The following MAP4K5 variants were observed in gnomAD, a reference collection of about 807,000 sequenced individuals.
MAP4K5 encodes mitogen-activated protein kinase kinase kinase kinase 5.
Under a neutral mutation model 135.6 loss-of-function variants are expected in MAP4K5, and 82 were observed. That is an observed-to-expected ratio of 0.60 (90% CI 0.51 to 0.73). The LOEUF is 0.73. Ranked by LOEUF, MAP4K5 falls within the 30% of genes least tolerant of loss-of-function variation. The pLI, the probability that MAP4K5 is intolerant of heterozygous loss-of-function variation, is 0.00. For synonymous variants in MAP4K5, 347 were observed against 335.0 expected (o/e 1.04, Z -0.39); for missense variants, 907 against 1,010.9 (o/e 0.90, Z 1.39).
intron 2 of MAP4K5, among the ~76,000 whole-genome samples, chr14:50,521,447 C>T (rs1261555075): frequency 4.6e-5 from 7 of 152,108 alleles, no homozygotes; most frequent in African/African-American, 1.7e-4. Flanking sequence ...ATCAGAAGAT[C>T]TAGATTCAAG....
chr14:50,423,764 G>A (rs1170536497), intron 31 of MAP4K5, among the ~76,000 whole-genome samples: 2 of 152,068 alleles, frequency 1.3e-5, no homozygotes, highest in Non-Finnish European at 2.9e-5. Context: ...GCAAGACCCT[G>A]TATACTCTGT....
chr14:50,531,951 G>A lies in MAP4K5; in HGVS notation c.99C>T (p.Asp33=), dbSNP rs1183805356. ...VQRVGSGTYG[D]VYKARNVHTG... is the part of the protein sequence containing the mutation. ...GGCCAGCCTCACTTACCTTATAGAC[G>A]TCCCCGTAGGTGCCGCTGCCGACCC... Residue 33 remains aspartate, a synonymous_variant, in exon 2 of 33, where the codon GAC becomes GAT. Coordinates refer to ENST00000682126, the MANE Select transcript of MAP4K5 (RefSeq NM_006575.6). 5 of 1,597,556 alleles carry A rather than the reference G, an allele frequency of 3.1e-6. No homozygotes were observed. The highest frequency in any genetic ancestry group is 3.4e-6 in the Non-Finnish European group (4 of 1,171,756).
intron 3 of MAP4K5, among the ~76,000 whole-genome samples, chr14:50,499,000 T>C (rs2037651245): frequency 6.6e-6 from 1 of 152,212 alleles, no homozygotes; most frequent in African/African-American, 2.4e-5. Context: ...GGAAAATTCA[T>C]TAGCATACCA....
intron 3 of MAP4K5, among the ~76,000 whole-genome samples, chr14:50,491,667 AACATTAC>A (rs2037486600): frequency 6.6e-6 from 1 of 151,298 alleles, no homozygotes; most frequent in South Asian, 2.1e-4. Flanking sequence ...ACTATCCTCT[AACATTAC>A]ATACTGAACT....
chr14:50,484,063 G>A (rs1034448593), intron 5 of MAP4K5, among the ~76,000 whole-genome samples: 1 of 152,010 alleles, frequency 6.6e-6, no homozygotes, highest in South Asian at 2.1e-4. Context: ...GTTTTACCAT[G>A]TTGGCTAGGC....
chr14:50,453,148 AAACT>A (rs571628547), intron 14 of MAP4K5, among the ~76,000 whole-genome samples: 117 of 152,166 alleles, frequency 7.7e-4, no homozygotes, highest in Middle Eastern at 6.8e-3. Context: ...CTATACAATT[AAACT>A]AACTGTTAGG....
intron 14 of MAP4K5, among the ~76,000 whole-genome samples, chr14:50,452,632 C>G (rs2036515557): frequency 1.3e-5 from 2 of 152,162 alleles, no homozygotes; most frequent in South Asian, 4.1e-4. Flanking sequence ...GAAAACTGCC[C>G]TCTAAACTCA....
intron 1 of MAP4K5, among the ~76,000 whole-genome samples, chr14:50,551,004 C>T (rs2038695549): frequency 6.6e-6 from 1 of 151,126 alleles, no homozygotes; most frequent in Non-Finnish European, 1.5e-5. Context: ...AACCCAAACC[C>T]AGCAGAAAAA....
At chr14:50,491,660 A>G (rs762424214) in intron 3 of MAP4K5, among the ~76,000 whole-genome samples, 6 of 149,618 alleles carry the variant, frequency 4.0e-5, no homozygotes, top group Non-Finnish European at 5.9e-5. Flanking sequence ...ACCAAAAACT[A>G]TCCTCTAACA....
chr14:50,527,633 A>G (rs1435248863), intron 2 of MAP4K5, among the ~76,000 whole-genome samples: 2 of 152,120 alleles, frequency 1.3e-5, no homozygotes, highest in Non-Finnish European at 2.9e-5. Flanking sequence ...TCTACAACTA[A>G]TTTGTTCAAC....
chr14:50,476,873 A>G (rs550658695), intron 6 of MAP4K5, among the ~76,000 whole-genome samples: 118 of 152,336 alleles, frequency 7.7e-4, no homozygotes, highest in Admixed American at 4.8e-3. Context: ...GTGCTCCTTT[A>G]TAATTTTCCC....
In MAP4K5 at chr14:50,462,709, C is replaced by A; in HGVS notation, c.892G>T (p.Asp298Tyr). ...GCTTCAGTGTAATGTGCGTGGTTAT[C>A]TGGATTGTTCACTTTGTCTAACAGT... ...VELLDKVNNP[D>Y]NHAHYTEADD... is the part of the protein sequence containing the mutation. The change falls in exon 13 of 33, where the codon GAT becomes TAT. Residue 298 changes from aspartate (D) to tyrosine (Y), a missense_variant. Physicochemically the swap from Asp to Tyr is radical, Grantham distance 160. Coordinates refer to ENST00000682126, the MANE Select transcript of MAP4K5 (RefSeq NM_006575.6). 1 of 1,604,994 alleles carries A rather than the reference C, an allele frequency of 6.2e-7. No individual in the cohort carries two copies.
intron 2 of MAP4K5, among the ~76,000 whole-genome samples, chr14:50,513,429 A>G (rs1423003414): frequency 2.0e-5 from 3 of 152,230 alleles, no homozygotes; most frequent in Non-Finnish European, 4.4e-5. Flanking sequence ...ACTCTTCTAC[A>G]TACTGTAAAA....
chr14:50,451,115 G>C (rs2139754643), intron 14 of MAP4K5, among the ~76,000 whole-genome samples: 1 of 152,206 alleles, frequency 6.6e-6, no homozygotes, highest in Non-Finnish European at 1.5e-5. Flanking sequence ...TGTATATACA[G>C]GTATAGTACA....
chr14:50,457,197 A>C (rs1211752000), intron 13 of MAP4K5, among the ~76,000 whole-genome samples: 1 of 152,218 alleles, frequency 6.6e-6, no homozygotes, highest in African/African-American at 2.4e-5. Flanking sequence ...GGGTGAGCCC[A>C]ATCGACAAAG....
chr14:50,495,438 T>C (rs568309349), intron 3 of MAP4K5, among the ~76,000 whole-genome samples: 28 of 152,328 alleles, frequency 1.8e-4, no homozygotes, highest in African/African-American at 5.0e-4. Flanking sequence ...AGAGGTGATG[T>C]GGAGAAGCTA....
At chr14:50,435,758 T>C (rs192640582) in intron 26 of MAP4K5, among the ~76,000 whole-genome samples, 9 of 152,294 alleles carry the variant, frequency 5.9e-5, no homozygotes. Flanking sequence ...ATTCATCTTG[T>C]ATGTATTAAT....
Position 50,434,814 on chromosome 14 carries a change from A to T in MAP4K5, c.1986+148T>A, listed in dbSNP as rs28493128. On this transcript the variant is annotated intron_variant, in intron 27 of 32. Transcript: ENST00000682126. ...TATCAGTTAAAGAGTAAATCCTAAG[A>T]ACACAAAAACCTCTAAATCAAATAA... 4.8e-3 allele frequency: 3,076 copies of T among 643,578 alleles called. 70 individuals are homozygous for T. The African/African-American group carries it at 0.051, about 11-fold the overall frequency. 39.9% of individuals were successfully genotyped at this position (643,578 alleles called of 1,614,324 possible).
chr14:50,465,430 T>C (rs1175911040), intron 11 of MAP4K5, among the ~76,000 whole-genome samples: 1 of 152,212 alleles, frequency 6.6e-6, no homozygotes, highest in Non-Finnish European at 1.5e-5. Flanking sequence ...TAATTTTTAT[T>C]AACCAATTGA....
Sources: allele counts gnomAD v4.1 joint callset (sites outside exome capture counted in the v4.1 genomes callset), GRCh38; gene constraint gnomAD v4.1.1; transcripts MANE v1.5; gene names NCBI Gene and HGNC (gene_info 2026-07-23, HGNC 2026-07-21).